The following AGO3 variants were observed in gnomAD, a reference collection of about 807,000 sequenced individuals.
AGO3 encodes argonaute RISC catalytic component 3, also known as protein argonaute-3.
In AGO3, 16 loss-of-function variants were observed where a neutral mutation model predicts 105.5. That is an observed-to-expected ratio of 0.15 (90% CI 0.10 to 0.23). The LOEUF is 0.23. Ranked by LOEUF, AGO3 falls within the 10% of genes least tolerant of loss-of-function variation. The probability of loss-of-function intolerance (pLI) is 1.00; values close to 1 mark genes in which losing one functional copy is unlikely to be tolerated. For synonymous variants in AGO3, 340 were observed against 367.3 expected (o/e 0.93, Z 0.85); for missense variants, 534 against 1,088.0 (o/e 0.49, Z 7.16).
At position 36,008,622 on chromosome 1, in the gene AGO3, A is replaced by G. The variant is rs1206107278; in HGVS notation, c.794-68A>G. 6.9e-5 allele frequency: 101 copies of G among 1,466,320 alleles called. No homozygotes were observed. The highest frequency in any genetic ancestry group is 8.7e-5 in the Non-Finnish European group (92 of 1,061,886). 90.8% of individuals were successfully genotyped at this position (1,466,320 alleles called of 1,614,324 possible). On this transcript the variant is annotated intron_variant, in intron 6 of 18. Coordinates refer to ENST00000373191, the MANE Select transcript of AGO3 (RefSeq NM_024852.4). This position sits in a 1 kb window ranked among gnomAD's most constrained non-coding sequence, Gnocchi z 5.1. ...GAATTGAGTTTTTATGGTAATGAAC[A>G]GGCTTTATAAGTATAAATATTTTAC...
In AGO3 at chr1:36,068,861, G is replaced by A. The variant is rs958392269; in HGVS notation, c.*13116G>A. On this transcript the variant is annotated 3_prime_UTR_variant, in exon 19 of 19. Transcript: ENST00000373191. ...GTCAAGCGTGGGCTATAAGAGAGAA[G>A]GCTTAAGGTGTTCTTTAATGGAGGA... The A allele has an allele frequency of 6.6e-6, 1 of 152,194 alleles. No homozygotes were observed. Among genetic ancestry groups the A allele is most frequent in the African/African-American group, 2.4e-5 (1 of 41,436 alleles). The allele number at this position is 152,194 out of a possible 1,614,324, so 9.4% of individuals were successfully genotyped here.
At chr1:36,049,858 G>A (rs1642631109) in intron 17 of AGO3, among the ~76,000 whole-genome samples, 1 of 152,072 alleles carries the variant, frequency 6.6e-6, no homozygotes, top group South Asian at 2.1e-4. Flanking sequence ...TTACCAAGAG[G>A]ATATAACAGT....
chr1:36,040,037 T>C, intron 15 of AGO3, 53 bp downstream of exon 15: 1 of 1,511,256 alleles, frequency 6.6e-7, no homozygotes, highest in Non-Finnish European at 9.0e-7. Context: ...ATTGTGTTTA[T>C]AATATGGTGT....
intron 5 of AGO3, among the ~76,000 whole-genome samples, chr1:35,989,958 T>C (rs1647462282): frequency 6.6e-6 from 1 of 152,236 alleles, no homozygotes; most frequent in Admixed American, 6.5e-5. Flanking sequence ...TCTTATTATG[T>C]ACCAGATAGA....
At chr1:35,971,071 AAAT>A (rs1646860346) in intron 3 of AGO3, among the ~76,000 whole-genome samples, 1 of 144,136 alleles carries the variant, frequency 6.9e-6, no homozygotes, top group Non-Finnish European at 1.5e-5. Context: ...TATAAATTAT[AAAT>A]AATATATAAA....
chr1:35,991,318 C>T (rs187525253), intron 5 of AGO3, among the ~76,000 whole-genome samples: 1 of 152,020 alleles, frequency 6.6e-6, no homozygotes, highest in East Asian at 1.9e-4. Context: ...GTAATGGCTG[C>T]AGGAATCTCA....
At chr1:36,003,709 A>AAAAAAAAAATATATATAT (rs1295618675) in intron 5 of AGO3, among the ~76,000 whole-genome samples, 17 of 99,428 alleles carry the variant, frequency 1.7e-4, no homozygotes, top group East Asian at 5.9e-4. Flanking sequence ...AAAAAAAAAA[A>AAAAAAAAAATATATATAT]ATATATATAT....
At chr1:36,014,771 C>CAAA (rs58580607) in intron 11 of AGO3, among the ~76,000 whole-genome samples, 3 of 58,558 alleles carry the variant, frequency 5.1e-5, no homozygotes, top group Admixed American at 1.5e-4. Flanking sequence ...ACTCTGTCTC[C>CAAA]AAAAAAAAAA....
chr1:35,995,468 A>G (rs1266956083), intron 5 of AGO3, among the ~76,000 whole-genome samples: 1 of 151,970 alleles, frequency 6.6e-6, no homozygotes. Context: ...TAGCTGGTTG[A>G]TTTTTGGCAA....
In AGO3 at chr1:36,059,207, A is replaced by G. The variant is rs1036960267; in HGVS notation, c.*3462A>G. On this transcript the variant is annotated 3_prime_UTR_variant, in exon 19 of 19. Coordinates refer to ENST00000373191, the MANE Select transcript of AGO3 (RefSeq NM_024852.4). ...AGTCAGCATTGCTAGTTTAAAGTTG[A>G]TTAACTTGAAAGAGTATGTATACTA... The G allele has an allele frequency of 6.6e-6, 1 of 152,078 alleles. No homozygotes were observed. 9.4% of individuals were successfully genotyped at this position (152,078 alleles called of 1,614,324 possible). A position where few individuals can be genotyped will look rare whatever the true frequency, so the allele number is the denominator to read the frequency against.
intron 16 of AGO3, among the ~76,000 whole-genome samples, chr1:36,042,244 C>T (rs1045385563): frequency 1.3e-5 from 2 of 151,970 alleles, no homozygotes; most frequent in African/African-American, 4.8e-5. Flanking sequence ...GCCACCACAC[C>T]CGGCTAATTT....
rs952015851 is a variant in AGO3 at position 35,931,187 on chromosome 1, C to G, written c.-240C>G. On this transcript the variant is annotated 5_prime_UTR_variant, in exon 1 of 19. Coordinates refer to ENST00000373191, the MANE Select transcript of AGO3 (RefSeq NM_024852.4). Reference sequence around the variant, plus strand: ...GGCGATGCAACTTCCGGACGGGACTCCCCTCTGTCCGCGCCTCACATCTCC... The same window carrying G: ...GGCGATGCAACTTCCGGACGGGACTGCCCTCTGTCCGCGCCTCACATCTCC... 13 of 400,008 alleles carry G rather than the reference C, an allele frequency of 3.2e-5. No homozygotes were observed. Among genetic ancestry groups the G allele is most frequent in the Non-Finnish European group, 5.3e-5 (12 of 226,540 alleles). 24.8% of individuals were successfully genotyped at this position (400,008 alleles called of 1,614,324 possible).
At chr1:36,038,422 A>AT (rs773145373) in intron 14 of AGO3, among the ~76,000 whole-genome samples, 1 of 151,636 alleles carries the variant, frequency 6.6e-6, no homozygotes, top group Non-Finnish European at 1.5e-5. Context: ...CACCCGGCTA[A>AT]TTTTTTGTAT....
At position 36,067,782 on chromosome 1, in the gene AGO3, C is replaced by T. The variant is rs1643113025; in HGVS notation, c.*12037C>T. The T allele has an allele frequency of 6.6e-6, 1 of 150,982 alleles. No homozygotes were observed. The highest frequency in any genetic ancestry group is 1.5e-5 in the Non-Finnish European group (1 of 67,928). The allele number at this position is 150,982 out of a possible 1,614,324, so 9.4% of individuals were successfully genotyped here. ...CGGAGGTTGCAGTGAGCCGAGATCC[C>T]ACCATTGCACTCCAGCCTGGGTGGC... On this transcript the variant is annotated 3_prime_UTR_variant, in exon 19 of 19. Coordinates refer to ENST00000373191, the MANE Select transcript of AGO3 (RefSeq NM_024852.4).
chr1:35,975,478 C>T (rs532387757), intron 5 of AGO3, among the ~76,000 whole-genome samples: 1 of 151,810 alleles, frequency 6.6e-6, no homozygotes, highest in South Asian at 2.1e-4. Context: ...GTTCATCTGT[C>T]ATGAGTTGCA....
chr1:36,034,158 T>C lies in AGO3; in HGVS notation c.1592-16T>C, dbSNP rs759623251. The C allele has an allele frequency of 6.6e-7, 1 of 1,506,302 alleles. No homozygotes were observed. The highest frequency in any genetic ancestry group is 2.4e-5 in the Admixed American group (1 of 42,458). The allele number at this position is 1,506,302 out of a possible 1,614,324, so 93.3% of individuals were successfully genotyped here. On this transcript the variant is annotated splice_polypyrimidine_tract_variant and intron_variant, in intron 12 of 18. Coordinates refer to ENST00000373191, the MANE Select transcript of AGO3 (RefSeq NM_024852.4). ...GGTCTTTTTTTCTGACTAGAGGTTTTGCATCTATTCCATAGCGGAAGTGAA... is the reference window on the plus strand; with the variant it reads ...GGTCTTTTTTTCTGACTAGAGGTTTCGCATCTATTCCATAGCGGAAGTGAA...
At chr1:36,035,637 T>C (rs981832528) in intron 13 of AGO3, among the ~76,000 whole-genome samples, 15 of 152,220 alleles carry the variant, frequency 9.9e-5, no homozygotes, top group African/African-American at 2.9e-4. Flanking sequence ...AGGAAGTTTA[T>C]AATTTTGTGC....
At chr1:35,970,790 C>T (rs1008228756) in intron 3 of AGO3, among the ~76,000 whole-genome samples, 3 of 151,610 alleles carry the variant, frequency 2.0e-5, no homozygotes, top group African/African-American at 7.3e-5. Flanking sequence ...AGTTCATTGG[C>T]ACACTCACAG....
chr1:36,028,586 T>C (rs937842276), intron 12 of AGO3, among the ~76,000 whole-genome samples: 1 of 152,088 alleles, frequency 6.6e-6, no homozygotes, highest in Non-Finnish European at 1.5e-5. Flanking sequence ...CATCATTTTT[T>C]ATGGCTGCGT....
Sources: allele counts gnomAD v4.1 joint callset (sites outside exome capture counted in the v4.1 genomes callset), GRCh38; gene constraint gnomAD v4.1.1; non-coding constraint Gnocchi (gnomAD v3.1); transcripts MANE v1.5; gene names NCBI Gene and HGNC (gene_info 2026-07-23, HGNC 2026-07-21).